Variants in PARD6B observed in about 807,000 individuals in gnomAD.
PARD6B encodes par-6 family cell polarity regulator beta.
Under a neutral mutation model 10.5 loss-of-function variants are expected in PARD6B, and 4 were observed. The ratio of observed to expected loss-of-function variants is 0.38; its 90% CI spans 0.19 to 0.87. The LOEUF (loss-of-function observed/expected upper bound fraction) is 0.87. PARD6B is among the 40% of genes least tolerant of loss of function. The pLI, the probability that PARD6B is intolerant of heterozygous loss-of-function variation, is 0.41. For synonymous variants in PARD6B, 169 were observed against 170.4 expected, an observed-to-expected ratio of 0.99 and a Z score of 0.07; for missense variants, 396 against 470.6, an observed-to-expected ratio of 0.84 and a Z score of 1.47.
chr20:50,738,565 T>G (rs756557177), intron 2 of PARD6B, among the ~76,000 whole-genome samples: 2 of 152,236 alleles, frequency 1.3e-5, no homozygotes, highest in Non-Finnish European at 2.9e-5. Context: ...TATAGAAAGA[T>G]TATAATATTT....
In PARD6B at chr20:50,751,390, C is replaced by G. The variant is rs1303195229; in HGVS notation, c.*902C>G. 3.6e-6 allele frequency: 3 copies of G among 829,584 alleles called. No individual in the cohort carries two copies. The highest frequency in any genetic ancestry group is 5.8e-5 in the South Asian group (1 of 17,290). The allele number at this position is 829,584 out of a possible 1,614,324, so 51.4% of individuals were successfully genotyped here. ...TTTTTTTTTGAGATGGAGTCTCGCT[C>G]TATCGCCCAGGCTGGAGTGCAGTGG... On this transcript the variant is annotated 3_prime_UTR_variant, in exon 3 of 3. Coordinates refer to ENST00000371610, the MANE Select transcript of PARD6B (RefSeq NM_032521.3).
chr20:50,747,495 T>TTC (rs1259220700), intron 2 of PARD6B, among the ~76,000 whole-genome samples: 3 of 143,002 alleles, frequency 2.1e-5, no homozygotes, highest in Admixed American at 1.4e-4. Context: ...CTTTCTTTTT[T>TTC]TTTTTTTTTT....
rs909540248 is a variant in PARD6B, at chr20:50,752,778, T to C, written c.*2290T>C. 1 of 978,672 alleles carries C rather than the reference T, an allele frequency of 1.0e-6. No homozygotes were observed. The highest frequency in any genetic ancestry group is 1.2e-6 in the Non-Finnish European group (1 of 823,520). 60.6% of individuals were successfully genotyped at this position (978,672 alleles called of 1,614,324 possible). On this transcript the variant is annotated 3_prime_UTR_variant, in exon 3 of 3. Coordinates refer to ENST00000371610, the MANE Select transcript of PARD6B (RefSeq NM_032521.3). ...GAAGTCTTGATTACGTGAAGATCAC[T>C]TGACTCAGAATACTTCAATGTATTT...
At chr20:50,738,217 G>A (rs1166842981) in intron 2 of PARD6B, 138 bp downstream of exon 2, 5 of 542,940 alleles carry the variant, frequency 9.2e-6, no homozygotes, top group Non-Finnish European at 1.6e-5. Flanking sequence ...TAACATGTGG[G>A]TTAAAACATT....
At chr20:50,744,668 C>G (rs182457559) in intron 2 of PARD6B, among the ~76,000 whole-genome samples, 1 of 151,738 alleles carries the variant, frequency 6.6e-6, no homozygotes, top group South Asian at 2.1e-4. Flanking sequence ...GCTTTTCACC[C>G]TCTGTTCTAG....
rs1292604036 is a variant in PARD6B, at chr20:50,750,125, GAAT to G, written c.760_762del (p.Asn254del). 6.2e-7 allele frequency: 1 copy of G among 1,614,076 alleles called. No homozygotes were observed. Among genetic ancestry groups the G allele is most frequent in the Non-Finnish European group, 8.5e-7 (1 of 1,180,056 alleles). The stretch of plus-strand genomic sequence containing the variant: ...TAACAGTGAGACCGGCAAACCAGAG[GAAT>G]AATGTTGTGAGGAACAGTCGGACTT... On this transcript the variant is annotated inframe_deletion, in exon 3 of 3. Transcript: ENST00000371610.
At chr20:50,739,022 TTA>T (rs1368853853) in intron 2 of PARD6B, among the ~76,000 whole-genome samples, 1 of 151,674 alleles carries the variant, frequency 6.6e-6, no homozygotes, top group East Asian at 1.9e-4. Context: ...AGGGTAGGGC[TTA>T]TTATGGTATG....
At chr20:50,745,155 C>T (rs950594690) in intron 2 of PARD6B, among the ~76,000 whole-genome samples, 1 of 152,232 alleles carries the variant, frequency 6.6e-6, no homozygotes, top group African/African-American at 2.4e-5. Flanking sequence ...TCTGGCTGGG[C>T]GCAGTGGCTC....
intron 2 of PARD6B, among the ~76,000 whole-genome samples, chr20:50,743,650 T>A (rs918072790): frequency 3.3e-5 from 5 of 152,090 alleles, no homozygotes; most frequent in Admixed American, 6.6e-5. Flanking sequence ...GCATTTTTGG[T>A]GGCCGAGGCG....
intron 2 of PARD6B, among the ~76,000 whole-genome samples, chr20:50,746,830 A>G (rs1162505049): frequency 6.6e-6 from 1 of 152,216 alleles, no homozygotes; most frequent in Non-Finnish European, 1.5e-5. Context: ...AATTTCCCTT[A>G]TAAATGTTAT....
chr20:50,751,654 C>T lies in PARD6B; in HGVS notation c.*1166C>T, dbSNP rs375977861. The T allele has an allele frequency of 1.2e-5, 12 of 983,992 alleles. No individual in the cohort carries two copies. In the East Asian group the frequency reaches 8.0e-4, roughly 66 times the overall value. 61.0% of individuals were successfully genotyped at this position (983,992 alleles called of 1,614,324 possible). ...AGCCACCGCGCCCAGTTGTGCATTT[C>T]TGGTTTCTAAGAATCAAACCACTTG... On this transcript the variant is annotated 3_prime_UTR_variant, in exon 3 of 3. Transcript: ENST00000371610.
At chr20:50,737,737 A>G in intron 1 of PARD6B, 120 bp from the exon 2 acceptor site, 1 of 690,428 alleles carries the variant, frequency 1.4e-6, no homozygotes, top group South Asian at 2.4e-5. Flanking sequence ...CACAATAGAC[A>G]ATCTTTCCTT....
chr20:50,745,338 C>A (rs564870467), intron 2 of PARD6B, among the ~76,000 whole-genome samples: 1 of 150,952 alleles, frequency 6.6e-6, no homozygotes. Context: ...GAAGGAGAAT[C>A]GCTTGAACCC....
At position 50,753,052 on chromosome 20, in the gene PARD6B, A is replaced by G. The variant is rs892304120; in HGVS notation, c.*2564A>G. 4 of 960,096 alleles carry G rather than the reference A, an allele frequency of 4.2e-6. No homozygotes were observed. The African/African-American group carries it at 6.1e-5, about 15-fold the overall frequency. The allele number at this position is 960,096 out of a possible 1,614,324, so 59.5% of individuals were successfully genotyped here. On this transcript the variant is annotated 3_prime_UTR_variant, in exon 3 of 3. Transcript: ENST00000371610. ...CAGGGGTTCAACATTTTAAGTAAAA[A>G]TATTTTTACACACTACCTCTCTCTT...
intron 1 of PARD6B, among the ~76,000 whole-genome samples, chr20:50,734,306 A>G (rs146640198): frequency 2.6e-5 from 4 of 152,192 alleles, no homozygotes; most frequent in African/African-American, 7.2e-5. Flanking sequence ...GCTTTTTACA[A>G]AACTGATTGC....
chr20:50,750,954 A>G lies in PARD6B; in HGVS notation c.*466A>G. 2.6e-6 allele frequency: 1 copy of G among 384,936 alleles called. No homozygotes were observed. The highest frequency in any genetic ancestry group is 3.1e-6 in the Non-Finnish European group (1 of 326,456). The allele number at this position is 384,936 out of a possible 1,614,324, so 23.8% of individuals were successfully genotyped here. ...CTCATGTTCCCAATATTTTATTTTG[A>G]TTTTTTTTTTTTTTTTTTTTTTTTT... On this transcript the variant is annotated 3_prime_UTR_variant, in exon 3 of 3. Transcript: ENST00000371610.
At position 50,751,354 on chromosome 20, in the gene PARD6B, T is replaced by A. The variant is rs1325649039; in HGVS notation, c.*866T>A. ...CCAGTTTCTTTTCTTTTCTTTCTTT[T>A]TTTTTTTTTTTTTTTTTTTGAGATG... On this transcript the variant is annotated 3_prime_UTR_variant, in exon 3 of 3. Coordinates refer to ENST00000371610, the MANE Select transcript of PARD6B (RefSeq NM_032521.3). 1.5e-4 allele frequency: 48 copies of A among 322,030 alleles called. No individual in the cohort carries two copies. The highest frequency in any genetic ancestry group is 1.6e-4 in the Non-Finnish European group (44 of 270,700). 19.9% of individuals were successfully genotyped at this position (322,030 alleles called of 1,614,324 possible). A position where few individuals can be genotyped will look rare whatever the true frequency, so the allele number is the denominator to read the frequency against.
chr20:50,734,105 G>C (rs116767607), intron 1 of PARD6B, among the ~76,000 whole-genome samples: 1 of 152,228 alleles, frequency 6.6e-6, no homozygotes, highest in African/African-American at 2.4e-5. Context: ...TATTCTAGCT[G>C]TTGACAAATA....
At chr20:50,735,382 C>G (rs2087494464) in intron 1 of PARD6B, among the ~76,000 whole-genome samples, 1 of 152,096 alleles carries the variant, frequency 6.6e-6, no homozygotes, top group Non-Finnish European at 1.5e-5. Context: ...TTTAATAACC[C>G]TGGAACAGTC....
Sources: gnomAD v4.1 joint callset for allele counts (sites outside exome capture counted in the v4.1 genomes callset) on GRCh38, gnomAD v4.1.1 for gene constraint, MANE v1.5 for transcripts, NCBI Gene and HGNC (gene_info 2026-07-23, HGNC 2026-07-21) for gene names.